GPBAR1: variants seen among roughly 807,000 people sequenced by gnomAD.
GPBAR1 encodes G protein-coupled bile acid receptor 1.
In GPBAR1, 13 loss-of-function variants were observed where a neutral mutation model predicts 13.0. That is an observed-to-expected ratio of 1.00 (90% CI 0.65 to 1.59). The LOEUF (loss-of-function observed/expected upper bound fraction) is 1.59, where lower values mean the gene tolerates loss of function less well. Among genes scored for constraint, GPBAR1 ranks in the 40% most tolerant of loss-of-function variants. The probability of loss-of-function intolerance (pLI) is 0.00; values close to 1 mark genes in which losing one functional copy is unlikely to be tolerated. For synonymous variants in GPBAR1, 193 were observed against 205.2 expected (o/e 0.94, Z 0.51); for missense variants, 398 against 436.4 (o/e 0.91, Z 0.78).
Position 218,263,126 on chromosome 2 carries a change from TC to T in GPBAR1, c.406del (p.Leu136CysfsTer133). Reference sequence around the variant, plus strand: ...TGGCCCTGCTCCTCACCTGGGCTGGTCCCCTGCTCTTTGCCAGTCTGCCCGC... The same window carrying T: ...TGGCCCTGCTCCTCACCTGGGCTGGTCCCTGCTCTTTGCCAGTCTGCCCGC... ...RLALLLTWAG[P>X]LLFASLPALG... On this transcript the variant is annotated frameshift_variant, in exon 2 of 2. Transcript: ENST00000519574. LOFTEE classifies it high-confidence loss of function. The surrounding 1 kb of genome is among the most constrained non-coding windows in gnomAD (Gnocchi z 4.2). 6.2e-7 allele frequency: 1 copy of T among 1,612,460 alleles called. No homozygotes were observed. The highest frequency in any genetic ancestry group is 8.5e-7 in the Non-Finnish European group (1 of 1,179,836).
rs1690480796 is a variant in GPBAR1 at position 218,262,988 on chromosome 2, C to A, written c.264C>A (p.Val88=). The A allele has an allele frequency of 6.2e-7, 1 of 1,613,852 alleles. No individual in the cohort carries two copies. Among genetic ancestry groups the A allele is most frequent in the Non-Finnish European group, 8.5e-7 (1 of 1,179,884 alleles). ...SRRGYWSCLL[V]YLAPNFSFLS... is the part of the protein sequence containing the mutation. ...GGGGTTACTGGTCCTGCCTCCTCGT[C>A]TACTTGGCTCCCAACTTCTCCTTCC... The change falls in exon 2 of 2, where the codon GTC becomes GTA. Residue 88 remains valine, a synonymous_variant. Transcript: ENST00000519574. This position sits in a 1 kb window ranked among gnomAD's most constrained non-coding sequence, Gnocchi z 5.1.
chr2:218,259,860 C>T (rs1447182844), upstream of GPBAR1: 1 of 152,252 alleles, frequency 6.6e-6, no homozygotes, highest in Non-Finnish European at 1.5e-5. Context: ...CTGGGCTTCT[C>T]TCCTCCCCCT....
At chr2:218,260,833 A>G (rs1422306770), upstream of GPBAR1, among the ~76,000 whole-genome samples, 1 of 151,382 alleles carries the variant, frequency 6.6e-6, no homozygotes, top group African/African-American at 2.4e-5. Context: ...ACTGGAATGC[A>G]TTTCTCAGAT....
At chr2:218,259,784 C>G (rs112666439), upstream of GPBAR1, 5 of 152,372 alleles carry the variant, frequency 3.3e-5, no homozygotes, top group Admixed American at 6.5e-5. Context: ...GTCTCACCCC[C>G]AGTCCCAGCT....
At chr2:218,259,893 C>T (rs568290510), upstream of GPBAR1, 4 of 152,420 alleles carry the variant, frequency 2.6e-5, no homozygotes, top group African/African-American at 9.6e-5. Context: ...GCACTTGATA[C>T]AAGGTGGAAA....
Position 218,263,259 on chromosome 2 carries a change from GGTGCTGCTGCCTTCCTCTCTGTCCGC to G in GPBAR1, c.542_567del (p.Ala181GlyfsTer21). ...CTATGGGCTCCTGCTGCCCGCCGTG[GGTGCTGCTGCCTTCCTCTCTGTCCGC>G]GTGCTGGCCACTGCCCACCGCCAGC... On this transcript the variant is annotated frameshift_variant, in exon 2 of 2. Coordinates refer to ENST00000519574, the MANE Select transcript of GPBAR1 (RefSeq NM_170699.3). LOFTEE classifies it high-confidence loss of function. This position sits in a 1 kb window ranked among gnomAD's most constrained non-coding sequence, Gnocchi z 4.2. 1 of 1,607,752 alleles carries G rather than the reference GGTGCTGCTGCCTTCCTCTCTGTCCGC, an allele frequency of 6.2e-7. No homozygotes were observed. Among genetic ancestry groups the G allele is most frequent in the Non-Finnish European group, 8.5e-7 (1 of 1,179,816 alleles).
rs201129128 is a variant in GPBAR1, at chr2:218,263,057, C to T, written c.333C>T (p.Tyr111=). The T allele has an allele frequency of 8.6e-5, 138 of 1,613,736 alleles. No individual in the cohort carries two copies. The highest frequency in any genetic ancestry group is 3.3e-4 in the Middle Eastern group (2 of 6,062). The change falls in exon 2 of 2, where the codon TAC becomes TAT. Residue 111 remains tyrosine, a synonymous_variant. Coordinates refer to ENST00000519574, the MANE Select transcript of GPBAR1 (RefSeq NM_170699.3). This position sits in a 1 kb window ranked among gnomAD's most constrained non-coding sequence, Gnocchi z 4.2. ...ANLLLVHGER[Y]MAVLRPLQPP... The stretch of plus-strand genomic sequence containing the variant: ...TCTTGCTGGTGCACGGGGAGCGCTA[C>T]ATGGCAGTCCTGAGGCCACTCCAGC...
chr2:218,263,434 G>T lies in GPBAR1; in HGVS notation c.710G>T (p.Trp237Leu). Residue 237 changes from tryptophan to leucine, a missense_variant, in exon 2 of 2, where the codon TGG becomes TTG. Physicochemically the swap from Trp to Leu is moderately conservative, Grantham distance 61. Coordinates refer to ENST00000519574, the MANE Select transcript of GPBAR1 (RefSeq NM_170699.3). This position sits in a 1 kb window ranked among gnomAD's most constrained non-coding sequence, Gnocchi z 4.2. Reference protein sequence around the residue: ...AGAMLLFGLCWGPYVATLLLS... With the variant: ...AGAMLLFGLCLGPYVATLLLS... ...GCCATGCTGCTCTTCGGGCTGTGCT[G>T]GGGGCCCTACGTGGCCACACTGCTC... The T allele has an allele frequency of 6.2e-7, 1 of 1,602,922 alleles. No homozygotes were observed. The highest frequency in any genetic ancestry group is 2.3e-5 in the East Asian group (1 of 44,406).
At position 218,263,563 on chromosome 2, in the gene GPBAR1, T is replaced by C. The variant is rs748847632; in HGVS notation, c.839T>C (p.Met280Thr). Residue 280 changes from methionine (M) to threonine (T), a missense_variant, in exon 2 of 2, where the codon ATG (methionine) becomes ACG (threonine). Coordinates refer to ENST00000519574, the MANE Select transcript of GPBAR1 (RefSeq NM_170699.3). This position sits in a 1 kb window ranked among gnomAD's most constrained non-coding sequence, Gnocchi z 4.2. ...AGTGCAGCGGCAGTGCCCGTAGCCA[T>C]GGGGCTGGGCGATCAGCGCTACACA... Reference protein sequence around the residue: ...SASAAAVPVAMGLGDQRYTAP... With the variant: ...SASAAAVPVATGLGDQRYTAP... The C allele has an allele frequency of 2.5e-6, 4 of 1,612,396 alleles. No individual in the cohort carries two copies. The African/African-American group carries it at 5.3e-5, about 22-fold the overall frequency.
Position 218,262,934 on chromosome 2 carries a change from A to C in GPBAR1, c.210A>C (p.Thr70=). The C allele has an allele frequency of 6.2e-7, 1 of 1,613,834 alleles. No individual in the cohort carries two copies. The highest frequency in any genetic ancestry group is 8.5e-7 in the Non-Finnish European group (1 of 1,179,826). Residue 70 remains threonine (T), a synonymous_variant, in exon 2 of 2, where the codon ACA becomes ACC. Transcript: ENST00000519574. This position sits in a 1 kb window ranked among gnomAD's most constrained non-coding sequence, Gnocchi z 5.1. Reference sequence around the variant, plus strand: ...TGCTCACGGGTCTGGCATTGCCCACATTGCCAGGGCTGTGGAACCAGAGTC... The same window carrying C: ...TGCTCACGGGTCTGGCATTGCCCACCTTGCCAGGGCTGTGGAACCAGAGTC... ...AGLLTGLALP[T]LPGLWNQSRR... is the part of the protein sequence containing the mutation.
At chr2:218,260,114 C>G (rs183803595), upstream of GPBAR1, 1 of 152,242 alleles carries the variant, frequency 6.6e-6, no homozygotes, top group Admixed American at 6.5e-5. Flanking sequence ...CGCTGCCTGT[C>G]GCGGAGTGCT....
At chr2:218,260,438 C>T (rs988489067), upstream of GPBAR1, among the ~76,000 whole-genome samples, 1 of 152,206 alleles carries the variant, frequency 6.6e-6, no homozygotes, top group Non-Finnish European at 1.5e-5. Context: ...CCACCACGAC[C>T]TTAATTAGAG....
intron 1 of GPBAR1, among the ~76,000 whole-genome samples, chr2:218,261,656 G>A (rs1690418045): frequency 6.6e-6 from 1 of 152,120 alleles, no homozygotes; most frequent in Non-Finnish European, 1.5e-5. Context: ...GAAGGAAGGG[G>A]AGCATCTTCC....
At chr2:218,261,567 AAG>A (rs892115242) in intron 1 of GPBAR1, among the ~76,000 whole-genome samples, 1 of 152,078 alleles carries the variant, frequency 6.6e-6, no homozygotes, top group African/African-American at 2.4e-5. Flanking sequence ...GAGATTGAGA[AAG>A]AGAAAACATG....
At chr2:218,261,823 C>G (rs1341253293) in intron 1 of GPBAR1, among the ~76,000 whole-genome samples, 1 of 152,094 alleles carries the variant, frequency 6.6e-6, no homozygotes, top group Non-Finnish European at 1.5e-5. Flanking sequence ...ACCCCTCCCC[C>G]TGTCCCCAGG....
upstream of GPBAR1, among the ~76,000 whole-genome samples, chr2:218,260,338 A>C (rs76800165): frequency 4.5e-4 from 69 of 152,328 alleles, no homozygotes; most frequent in East Asian, 0.013. Context: ...GGGAGGAAAG[A>C]GAGGGAGCCA....
At position 218,263,743 on chromosome 2, in the gene GPBAR1, CA is replaced by C. The variant is rs1436424044; in HGVS notation, c.*27del. On this transcript the variant is annotated 3_prime_UTR_variant, in exon 2 of 2. Transcript: ENST00000519574. This position sits in a 1 kb window ranked among gnomAD's most constrained non-coding sequence, Gnocchi z 4.2. ...AGGAAGGGCCTCTGCTGACTCCTAC[CA>C]GAGCATCCGTCCAGCTCAGCCATCC... 123 of 1,612,598 alleles carry C rather than the reference CA, an allele frequency of 7.6e-5. No individual in the cohort carries two copies. The highest frequency in any genetic ancestry group is 1.0e-4 in the Non-Finnish European group (122 of 1,179,734).
Position 218,263,739 on chromosome 2 carries a change from C to A in GPBAR1, c.*22C>A. The A allele has an allele frequency of 1.2e-6, 2 of 1,612,818 alleles. No individual in the cohort carries two copies. Among genetic ancestry groups the A allele is most frequent in the Non-Finnish European group, 1.7e-6 (2 of 1,179,786 alleles). On this transcript the variant is annotated 3_prime_UTR_variant, in exon 2 of 2. Coordinates refer to ENST00000519574, the MANE Select transcript of GPBAR1 (RefSeq NM_170699.3). The surrounding 1 kb of genome is among the most constrained non-coding windows in gnomAD (Gnocchi z 4.2). ...CTAAAGGAAGGGCCTCTGCTGACTC[C>A]TACCAGAGCATCCGTCCAGCTCAGC...
rs902552924 is a variant in GPBAR1, at chr2:218,262,605, C to T, written c.-45-75C>T. 3.2e-5 allele frequency: 36 copies of T among 1,133,380 alleles called. No individual in the cohort carries two copies. In the African/African-American group the frequency reaches 5.5e-4, roughly 17 times the overall value. The allele number at this position is 1,133,380 out of a possible 1,614,324, so 70.2% of individuals were successfully genotyped here. A position where few individuals can be genotyped will look rare whatever the true frequency, so the allele number is the denominator to read the frequency against. On this transcript the variant is annotated intron_variant, in intron 1 of 1. Transcript: ENST00000519574. This position sits in a 1 kb window ranked among gnomAD's most constrained non-coding sequence, Gnocchi z 5.1. ...GCCCACAGCCTGCGGGTCTGCGCCC[C>T]TGGATTAACATGCTGCCCTGCCAGG...
Sources: allele counts gnomAD v4.1 joint callset (sites outside exome capture counted in the v4.1 genomes callset), GRCh38; gene constraint gnomAD v4.1.1; non-coding constraint Gnocchi (gnomAD v3.1); transcripts MANE v1.5; gene names NCBI Gene and HGNC (gene_info 2026-07-23, HGNC 2026-07-21).